Variants in ANKHD1 observed in about 807,000 individuals in gnomAD.
ANKHD1 encodes the protein ankyrin repeat and KH domain-containing protein 1.
ANKHD1 carries 31 observed loss-of-function variants against 230.5 expected under a neutral mutation model. That is an observed-to-expected ratio of 0.13 (90% CI 0.10 to 0.18). ANKHD1 has a LOEUF of 0.18. Among genes scored for constraint, ANKHD1 ranks in the 10% least tolerant of loss-of-function variants. ANKHD1 has a pLI of 1.00. For synonymous variants in ANKHD1, 1,074 were observed against 1,117.6 expected (o/e 0.96, Z 0.78); for missense variants, 2,256 against 3,071.3 (o/e 0.73, Z 6.27).
At chr5:140,410,754 A>G (rs1452743943) in intron 1 of ANKHD1, among the ~76,000 whole-genome samples, 1 of 152,156 alleles carries the variant, frequency 6.6e-6, no homozygotes, top group Non-Finnish European at 1.5e-5. Flanking sequence ...GGTAACTGCT[A>G]CCATTTATTG....
In ANKHD1 at chr5:140,528,389, G is replaced by T. The variant is rs376851402; in HGVS notation, c.5443G>T (p.Val1815Leu). 1 of 1,613,966 alleles carries T rather than the reference G, an allele frequency of 6.2e-7. No homozygotes were observed. The highest frequency in any genetic ancestry group is 8.5e-7 in the Non-Finnish European group (1 of 1,180,018). Residue 1815 changes from valine (V) to leucine (L), a missense_variant, in exon 29 of 34, where the codon GTA becomes TTA. This residue lies in a region of ANKHD1 where 778 missense variants were observed against 966.5 expected (regional missense o/e 0.80). Coordinates refer to ENST00000360839, the MANE Select transcript of ANKHD1 (RefSeq NM_017747.3). ...ATTTCCTTTGGGTGCTCCAACTCTT[G>T]TAACTTCACAGGCAACAACGTTATC... ...NAFPLGAPTLVTSQATTLSTF... is the reference protein window; with the variant it reads ...NAFPLGAPTLLTSQATTLSTF...
chr5:140,412,398 T>C (rs1214326218), intron 1 of ANKHD1, among the ~76,000 whole-genome samples: 4 of 152,136 alleles, frequency 2.6e-5, no homozygotes, highest in Admixed American at 2.6e-4. Flanking sequence ...GCTCAAGGGA[T>C]CCTCCTGCAG....
intron 30 of ANKHD1, chr5:140,535,769 G>A: frequency 2.1e-6 from 1 of 475,260 alleles, no homozygotes; most frequent in East Asian, 6.5e-5. Flanking sequence ...AAGAAAAGAG[G>A]TACTAGGCTG....
intron 24 of ANKHD1, among the ~76,000 whole-genome samples, chr5:140,518,187 G>A (rs1181773329): frequency 6.6e-6 from 1 of 152,152 alleles, no homozygotes; most frequent in Non-Finnish European, 1.5e-5. Context: ...AGAAAATCTA[G>A]AAGAAATGGA....
At position 140,527,996 on chromosome 5, in the gene ANKHD1, G is replaced by A. The variant is rs1396645056; in HGVS notation, c.5211G>A (p.Lys1737=). 2 of 1,613,640 alleles carry A rather than the reference G, an allele frequency of 1.2e-6. No homozygotes were observed. Among genetic ancestry groups the A allele is most frequent in the Admixed American group, 3.3e-5 (2 of 59,966 alleles). The part of the protein sequence containing the change: ...AHIDVDKQKD[K]NGERMITIRG... Reference sequence around the variant, plus strand: ...TTGATGTGGATAAACAAAAAGATAAGAATGGCGAGAGAATGATCACAATAA... The same window carrying A: ...TTGATGTGGATAAACAAAAAGATAAAAATGGCGAGAGAATGATCACAATAA... The change falls in exon 28 of 34, where the codon AAG becomes AAA. Residue 1737 remains lysine, a synonymous_variant. Transcript: ENST00000360839. The surrounding 1 kb of genome is among the most constrained non-coding windows in gnomAD (Gnocchi z 4.5).
chr5:140,459,193 A>G lies in ANKHD1; in HGVS notation c.1510A>G (p.Thr504Ala), dbSNP rs1336433967. The change falls in exon 9 of 34, where the codon ACT (threonine) becomes GCT (alanine). Residue 504 changes from threonine to alanine, a missense_variant. By Grantham distance (58) the Thr-to-Ala change is moderately conservative. Transcript: ENST00000360839. ...GANINAQTEE[T>A]QETALTLACC... ...AAATATAAATGCCCAGACAGAAGAA[A>G]CTCAAGAAACTGCTCTTACTTTGGC... The G allele has an allele frequency of 6.3e-7, 1 of 1,594,310 alleles. No individual in the cohort carries two copies. The highest frequency in any genetic ancestry group is 1.3e-5 in the African/African-American group (1 of 74,354).
rs918584801 is a variant in ANKHD1 at position 140,413,013 on chromosome 5, A to G, written c.306+10740A>G. On this transcript the variant is annotated intron_variant, in intron 1 of 33. Coordinates refer to ENST00000360839, the MANE Select transcript of ANKHD1 (RefSeq NM_017747.3). ...TAGTAGAAAGGATGTTTTTTTAAAAAATGTAGATATCCCACTGTATGCTAG... is the reference window on the plus strand; with the variant it reads ...TAGTAGAAAGGATGTTTTTTTAAAAGATGTAGATATCCCACTGTATGCTAG... Among the ~76,000 whole-genome samples, 5 of 152,330 alleles carry G rather than the reference A, an allele frequency of 3.3e-5. No homozygotes were observed. The South Asian group carries it at 8.3e-4, about 25-fold the overall frequency.
intron 1 of ANKHD1, among the ~76,000 whole-genome samples, chr5:140,428,291 G>T (rs1772710417): frequency 6.6e-6 from 1 of 152,234 alleles, no homozygotes. Context: ...AGGCTGCTGG[G>T]AGGTGGAGGT....
chr5:140,487,564 A>G (rs1009378749), intron 14 of ANKHD1, among the ~76,000 whole-genome samples: 18 of 152,310 alleles, frequency 1.2e-4, no homozygotes, highest in African/African-American at 4.3e-4. Flanking sequence ...CTATCAAAAT[A>G]AAATGTGTAC....
chr5:140,449,269 A>C lies in ANKHD1; in HGVS notation c.1206A>C (p.Thr402=). 4 of 1,613,898 alleles carry C rather than the reference A, an allele frequency of 2.5e-6. No homozygotes were observed. Among genetic ancestry groups the C allele is most frequent in the Non-Finnish European group, 3.4e-6 (4 of 1,179,866 alleles). The part of the protein sequence containing the change: ...LEAGADQEHK[T]DEMHTALMEA... ...CTGGTGCAGATCAAGAGCACAAAAC[A>C]GATGAGATGCACACTGCCTTAATGG... The change falls in exon 7 of 34, where the codon ACA becomes ACC. Residue 402 remains threonine, a synonymous_variant. Coordinates refer to ENST00000360839, the MANE Select transcript of ANKHD1 (RefSeq NM_017747.3).
At chr5:140,410,141 T>C (rs559603874) in intron 1 of ANKHD1, among the ~76,000 whole-genome samples, 1 of 152,274 alleles carries the variant, frequency 6.6e-6, no homozygotes, top group African/African-American at 2.4e-5. Context: ...TGCTCCCACA[T>C]ATCTTGCTCT....
intron 1 of ANKHD1, among the ~76,000 whole-genome samples, chr5:140,432,329 T>C (rs1773109802): frequency 6.6e-6 from 1 of 152,212 alleles, no homozygotes; most frequent in African/African-American, 2.4e-5. Flanking sequence ...ATAAATGGGA[T>C]CATATAATGG....
chr5:140,451,559 G>A (rs1381798518), intron 7 of ANKHD1, among the ~76,000 whole-genome samples: 1 of 152,034 alleles, frequency 6.6e-6, no homozygotes, highest in Non-Finnish European at 1.5e-5. Context: ...TTCAGGCTGG[G>A]TGCAGTGGCG....
chr5:140,422,144 C>T (rs1000987518), intron 1 of ANKHD1, among the ~76,000 whole-genome samples: 6 of 151,980 alleles, frequency 3.9e-5, no homozygotes, highest in East Asian at 3.9e-4. Flanking sequence ...TTGATTGAGA[C>T]GGAGTTTCAC....
chr5:140,461,037 A>C (rs1775665840), intron 9 of ANKHD1, among the ~76,000 whole-genome samples: 1 of 152,198 alleles, frequency 6.6e-6, no homozygotes, highest in Non-Finnish European at 1.5e-5. Context: ...CTCTTAAGCT[A>C]AAGTCGTGCT....
chr5:140,501,837 C>T (rs552725834), intron 15 of ANKHD1, among the ~76,000 whole-genome samples: 12 of 151,878 alleles, frequency 7.9e-5, no homozygotes, highest in African/African-American at 2.7e-4. Context: ...ATATTGCCTA[C>T]AAAACTTTCT....
intron 29 of ANKHD1, among the ~76,000 whole-genome samples, chr5:140,530,333 T>A (rs573162537): frequency 6.6e-6 from 1 of 152,288 alleles, no homozygotes; most frequent in South Asian, 2.1e-4. Context: ...TTCCTCATCT[T>A]CTCAAGTAGC....
intron 3 of ANKHD1, among the ~76,000 whole-genome samples, chr5:140,439,346 A>G (rs1773679381): frequency 1.3e-5 from 2 of 152,118 alleles, no homozygotes; most frequent in Non-Finnish European, 2.9e-5. Flanking sequence ...ACATTGGAAG[A>G]AGAAGAATTG....
Position 140,537,529 on chromosome 5 carries a change from A to G in ANKHD1, c.7168A>G (p.Ser2390Gly), listed in dbSNP as rs1754137727. Reference protein sequence around the residue: ...GSVAQAPAGTSFVAPVGHSGI... With the variant: ...GSVAQAPAGTGFVAPVGHSGI... ...TGTTGCACAAGCCCCGGCGGGGACC[A>G]GTTTTGTCGCTCCCGTTGGACACAG... The change falls in exon 31 of 34, where the codon AGT becomes GGT. Residue 2390 changes from serine to glycine, a missense_variant. This residue lies in a region of ANKHD1 where 778 missense variants were observed against 966.5 expected (regional missense o/e 0.80). Transcript: ENST00000360839. 1 of 1,613,030 alleles carries G rather than the reference A, an allele frequency of 6.2e-7. No homozygotes were observed. The highest frequency in any genetic ancestry group is 2.2e-5 in the East Asian group (1 of 44,868).
Sources: allele counts gnomAD v4.1 joint callset (sites outside exome capture counted in the v4.1 genomes callset), GRCh38; gene constraint gnomAD v4.1.1; regional missense constraint gnomAD v4.1.1; non-coding constraint Gnocchi (gnomAD v3.1); transcripts MANE v1.5; gene names NCBI Gene and HGNC (gene_info 2026-07-23, HGNC 2026-07-21).